PARD3B: variants seen among roughly 807,000 people sequenced by gnomAD.
PARD3B encodes the protein par-3 family cell polarity regulator beta.
In PARD3B, 103 loss-of-function variants were observed where a neutral mutation model predicts 130.2. That is an observed-to-expected ratio of 0.79 (90% CI 0.67 to 0.93). The LOEUF (loss-of-function observed/expected upper bound fraction) is 0.93. PARD3B is among the 40% of genes least tolerant of loss of function. The pLI is 0.00. For missense variants in PARD3B, 1,609 were observed against 1,499.2 expected, an observed-to-expected ratio of 1.07 and a Z score of -1.21; for synonymous variants, 583 against 553.2, an observed-to-expected ratio of 1.05 and a Z score of -0.76.
intron 2 of PARD3B, among the ~76,000 whole-genome samples, chr2:204,940,781 C>T (rs1228753857): frequency 6.6e-6 from 1 of 152,070 alleles, no homozygotes; most frequent in African/African-American, 2.4e-5. Context: ...TCCAATGACA[C>T]CATCATCATG....
intron 18 of PARD3B, among the ~76,000 whole-genome samples, chr2:205,371,182 C>T (rs545408755): frequency 8.6e-5 from 13 of 152,030 alleles, no homozygotes; most frequent in Admixed American, 5.9e-4. Context: ...TTTGTTGTTT[C>T]GAGAGAGAAA....
At chr2:205,197,074 T>A (rs1921786) in intron 15 of PARD3B, among the ~76,000 whole-genome samples, 71,494 of 143,854 alleles carry the variant, frequency 0.5, 17,377 homozygotes, top group Admixed American at 0.57. Flanking sequence ...TGTGTGTGTG[T>A]GAGAGAGAGA....
In PARD3B at chr2:205,116,624, A is replaced by G. The variant is rs2029869395; in HGVS notation, c.681-2297A>G. Among the ~76,000 whole-genome samples the G allele has an allele frequency of 6.6e-6, 1 of 152,138 alleles. No individual in the cohort carries two copies. Among genetic ancestry groups the G allele is most frequent in the South Asian group, 2.1e-4 (1 of 4,822 alleles). ...CTTGGTCCCAAATGAGACAGCTACC[A>G]CAGCCCACCAGTTCAGGGCAAAGAG... On this transcript the variant is annotated intron_variant, in intron 6 of 22. Coordinates refer to ENST00000406610, the MANE Select transcript of PARD3B (RefSeq NM_001302769.2). The surrounding 1 kb of genome is among the most constrained non-coding windows in gnomAD (Gnocchi z 4.5).
At chr2:205,546,976 A>T (rs1482586118) in intron 21 of PARD3B, among the ~76,000 whole-genome samples, 1 of 152,174 alleles carries the variant, frequency 6.6e-6, no homozygotes, top group East Asian at 1.9e-4. Context: ...AACAGAGGTC[A>T]TTTTGGGGTG....
At chr2:204,603,631 G>A (rs1574532750) in intron 1 of PARD3B, among the ~76,000 whole-genome samples, 1 of 151,790 alleles carries the variant, frequency 6.6e-6, no homozygotes, top group African/African-American at 2.4e-5. Context: ...AGACCTTAAT[G>A]TCTGTTAACT....
intron 22 of PARD3B, among the ~76,000 whole-genome samples, chr2:205,610,659 A>T (rs560440275): frequency 6.6e-6 from 1 of 152,322 alleles, no homozygotes; most frequent in East Asian, 1.9e-4. Flanking sequence ...GAGATAAGAC[A>T]GTATAATCTT....
chr2:205,070,878 G>GT (rs1700687112), intron 4 of PARD3B, among the ~76,000 whole-genome samples: 1 of 151,966 alleles, frequency 6.6e-6, no homozygotes, highest in African/African-American at 2.4e-5. Flanking sequence ...CAGTGTAACA[G>GT]TTTTTAACTA....
chr2:204,661,359 G>A (rs1216328601), intron 1 of PARD3B, among the ~76,000 whole-genome samples: 1 of 152,060 alleles, frequency 6.6e-6, no homozygotes, highest in African/African-American at 2.4e-5. Flanking sequence ...AAGAATACCT[G>A]AAGAAGTGTC....
At chr2:205,492,478 G>A (rs1483262612) in intron 20 of PARD3B, among the ~76,000 whole-genome samples, 2 of 152,058 alleles carry the variant, frequency 1.3e-5, no homozygotes, top group African/African-American at 4.8e-5. Flanking sequence ...TTATTTGGGG[G>A]GAATCTTTTG....
intron 2 of PARD3B, among the ~76,000 whole-genome samples, chr2:204,958,433 A>C (rs1015092141): frequency 6.6e-6 from 1 of 152,216 alleles, no homozygotes; most frequent in African/African-American, 2.4e-5. Flanking sequence ...AGAGTGATAG[A>C]GTACTGTATT....
At chr2:205,217,952 A>G (rs1308332937) in intron 15 of PARD3B, among the ~76,000 whole-genome samples, 10 of 141,124 alleles carry the variant, frequency 7.1e-5, no homozygotes, top group African/African-American at 1.6e-4. Context: ...CTGCAGTGCA[A>G]TGGTACAATG....
intron 2 of PARD3B, among the ~76,000 whole-genome samples, chr2:204,816,458 T>C (rs1475902692): frequency 6.6e-6 from 1 of 151,974 alleles, no homozygotes; most frequent in Non-Finnish European, 1.5e-5. Context: ...GCAGCTTCTA[T>C]ATGTTTTGTA....
rs183531810 is a variant in PARD3B at position 205,250,036 on chromosome 2, A to G, written c.2185+4214A>G. On this transcript the variant is annotated intron_variant, in intron 16 of 22. Transcript: ENST00000406610. ...AACATTAGGATCCAGAGAAAATGAC[A>G]TCAAATTTAGCACAGCTTTTTTTTT... Among the ~76,000 whole-genome samples the G allele has an allele frequency of 7.2e-5, 11 of 152,000 alleles. No homozygotes were observed. In the East Asian group the frequency reaches 2.1e-3, roughly 29 times the overall value.
chr2:204,790,025 C>T (rs984422805), intron 2 of PARD3B, among the ~76,000 whole-genome samples: 30 of 152,084 alleles, frequency 2.0e-4, no homozygotes, highest in Admixed American at 7.9e-4. Context: ...TGCCTGCCAC[C>T]GCACCTGGCT....
chr2:205,510,365 T>A (rs2050544493), intron 21 of PARD3B, among the ~76,000 whole-genome samples: 1 of 152,214 alleles, frequency 6.6e-6, no homozygotes, highest in South Asian at 2.1e-4. Context: ...CCTTAGCCTC[T>A]TCGGTTATTC....
intron 20 of PARD3B, among the ~76,000 whole-genome samples, chr2:205,488,628 C>T (rs1480890822): frequency 1.3e-5 from 2 of 152,162 alleles, no homozygotes; most frequent in African/African-American, 2.4e-5. Context: ...AGTTGGCTTG[C>T]ATATACAAGG....
At chr2:204,648,402 T>G (rs1012097821) in intron 1 of PARD3B, among the ~76,000 whole-genome samples, 1 of 150,506 alleles carries the variant, frequency 6.6e-6, no homozygotes, top group Non-Finnish European at 1.5e-5. Context: ...TTTCAGTTGT[T>G]TCCAGTTTTT....
chr2:204,981,489 A>G (rs1692663267), intron 3 of PARD3B, among the ~76,000 whole-genome samples: 1 of 152,230 alleles, frequency 6.6e-6, no homozygotes, highest in African/African-American at 2.4e-5. Context: ...GGCAATATAC[A>G]TCTGCCTTAA....
intron 2 of PARD3B, among the ~76,000 whole-genome samples, chr2:204,854,987 C>A (rs979538087): frequency 6.6e-6 from 1 of 152,048 alleles, no homozygotes; most frequent in Non-Finnish European, 1.5e-5. Flanking sequence ...ATTTTATAGT[C>A]AGGTTTGAGG....
Sources: gnomAD v4.1 joint callset for allele counts (sites outside exome capture counted in the v4.1 genomes callset) on GRCh38, gnomAD v4.1.1 for gene constraint, Gnocchi (gnomAD v3.1) non-coding constraint, MANE v1.5 for transcripts, NCBI Gene and HGNC (gene_info 2026-07-23, HGNC 2026-07-21) for gene names.